The following CMC4 variants were observed in gnomAD, a reference collection of about 807,000 sequenced individuals.
CMC4 encodes cx9C motif-containing protein 4.
Under a neutral mutation model 5.1 loss-of-function variants are expected in CMC4, and 4 were observed. That is an observed-to-expected ratio of 0.78 (90% CI 0.38 to 1.78). CMC4 has a LOEUF of 1.78. CMC4 is among the 40% of genes most tolerant of loss of function. The pLI is 0.04. For synonymous variants in CMC4, 23 were observed against 18.9 expected (o/e 1.22, Z -0.57); for missense variants, 52 against 51.3 (o/e 1.01, Z -0.04).
rs782783254 is a variant in CMC4 at position 155,061,815 on chromosome X, A to G, written c.*28T>C. The G allele has an allele frequency of 1.7e-6, 2 of 1,198,004 alleles. No individual in the cohort carries two copies. Among genetic ancestry groups the G allele is most frequent in the South Asian group, 1.8e-5 (1 of 54,589 alleles). Reference sequence around the variant, plus strand: ...AGGATAAAAAAAATTCATTTGGTGGAAACATGGAGCAGCACTTCAGAAGAA... The same window carrying G: ...AGGATAAAAAAAATTCATTTGGTGGGAACATGGAGCAGCACTTCAGAAGAA... On this transcript the variant is annotated 3_prime_UTR_variant, in exon 3 of 3. Transcript: ENST00000369484.
chrX:155,066,114 C>G (rs1373332811), intron 1 of CMC4: 3 of 578,210 alleles, frequency 5.2e-6, no homozygotes, highest in Middle Eastern at 5.3e-4. Flanking sequence ...ATGAACTCAC[C>G]AGTAAGCAAG....
chrX:155,062,166 T>C (rs782072616), intron 2 of CMC4, among the ~76,000 whole-genome samples, 175 bp from the exon 3 acceptor site: 28 of 112,583 alleles, frequency 2.5e-4, no homozygotes, highest in African/African-American at 9.0e-4. Context: ...ACAGGTTCGT[T>C]AGGGAAAGTA....
intron 1 of CMC4, chrX:155,065,550 GAA>G: frequency 8.3e-7 from 1 of 1,211,196 alleles, no homozygotes; most frequent in Non-Finnish European, 1.1e-6. Flanking sequence ...GTCAGAAAAA[GAA>G]AAGTTTATGG....
rs782064701 is a variant in CMC4 at position 155,066,294 on chromosome X, TGAG to T, written c.-10-2264_-10-2262del. 4.5e-5 allele frequency among the ~76,000 whole-genome samples: 5 copies of T among 112,330 alleles called. No individual in the cohort carries two copies. The East Asian group carries it at 1.1e-3, about 25-fold the overall frequency. On this transcript the variant is annotated intron_variant, in intron 1 of 2. Coordinates refer to ENST00000369484, the MANE Select transcript of CMC4 (RefSeq NM_001018024.3). ...CAAAGCGCTCAAGAATTTGGCTAGG[TGAG>T]GAGTTCTGTGGAAATGTAGGACTAG...
At chrX:155,066,088 G>C (rs1457093705) in intron 1 of CMC4, 1 of 809,420 alleles carries the variant, frequency 1.2e-6, no homozygotes, top group Non-Finnish European at 1.8e-6. Context: ...ACACAGGTGT[G>C]ACTTTTTGGG....
chrX:155,065,577 A>G (rs1181389661), intron 1 of CMC4: 11 of 1,208,191 alleles, frequency 9.1e-6, no homozygotes, highest in Non-Finnish European at 1.2e-5. Context: ...CTCTGTTACG[A>G]GAGTCCCAGT....
chrX:155,065,595 A>G (rs782600306), intron 1 of CMC4: 2 of 1,210,150 alleles, frequency 1.7e-6, no homozygotes, highest in Non-Finnish European at 1.1e-6. Context: ...AGTACAATGG[A>G]AAATAATTAA....
At chrX:155,067,903 A>G (rs2073955044) in intron 1 of CMC4, among the ~76,000 whole-genome samples, 1 of 112,337 alleles carries the variant, frequency 8.9e-6, no homozygotes, top group Admixed American at 9.4e-5. Context: ...TCTAGGCATA[A>G]GCCTCTGGCT....
chrX:155,065,664 G>A (rs1557291950), intron 1 of CMC4: 1 of 1,211,822 alleles, frequency 8.3e-7, no homozygotes, highest in Non-Finnish European at 1.1e-6. Flanking sequence ...TGTTATCCAT[G>A]TAGCGCTCCT....
At chrX:155,070,045 A>G (rs2073965353) in intron 1 of CMC4, among the ~76,000 whole-genome samples, 1 of 112,267 alleles carries the variant, frequency 8.9e-6, no homozygotes, top group Non-Finnish European at 1.9e-5. Flanking sequence ...CTTCATCATG[A>G]TCAAATTAAT....
At chrX:155,064,847 T>G (rs2073942671) in intron 1 of CMC4, 1 of 112,456 alleles carries the variant, frequency 8.9e-6, no homozygotes, top group South Asian at 3.7e-4. Flanking sequence ...TCAATGCATA[T>G]CTCTTTTCAG....
intron 1 of CMC4, among the ~76,000 whole-genome samples, chrX:155,067,824 G>A (rs1015733798): frequency 1.8e-5 from 2 of 112,020 alleles, no homozygotes; most frequent in African/African-American, 6.5e-5. Flanking sequence ...GGTGGGTAGG[G>A]AAGGGAAACA....
chrX:155,067,609 T>C (rs1241023668), intron 1 of CMC4, among the ~76,000 whole-genome samples: 2 of 112,478 alleles, frequency 1.8e-5, no homozygotes, highest in Admixed American at 1.9e-4. Context: ...ATGAAAACTT[T>C]AGAAAATTCT....
Position 155,063,985 on chromosome X carries a change from C to A in CMC4, c.39G>T (p.Glu13Asp). The change falls in exon 2 of 3, where the codon GAG becomes GAT. Residue 13 changes from glutamate to aspartate, a missense_variant. Glu to Asp is a conservative substitution (Grantham distance 45). Transcript: ENST00000369484. Reference sequence around the variant, plus strand: ...TACTACCTTGTAAACATTTCTGTATCTCACAGGCTTGCTTCTGGCACGGAT... The same window carrying A: ...TACTACCTTGTAAACATTTCTGTATATCACAGGCTTGCTTCTGGCACGGAT... ...QKDPCQKQAC[E>D]IQKCLQANSY... The A allele has an allele frequency of 8.4e-7, 1 of 1,196,810 alleles. No individual in the cohort carries two copies. The highest frequency in any genetic ancestry group is 1.1e-6 in the Non-Finnish European group (1 of 890,972).
At chrX:155,064,248 GA>G (rs1330306072) in intron 1 of CMC4, 2 of 270,161 alleles carry the variant, frequency 7.4e-6, no homozygotes, top group African/African-American at 2.8e-5. Flanking sequence ...GCTTTACATG[GA>G]AAAAAAACCT....
In CMC4 at chrX:155,061,760, A is replaced by G; in HGVS notation, c.*83T>C. 1 of 1,085,677 alleles carries G rather than the reference A, an allele frequency of 9.2e-7. No homozygotes were observed. The highest frequency in any genetic ancestry group is 1.2e-6 in the Non-Finnish European group (1 of 809,444). 89.5% of individuals were successfully genotyped at this position (1,085,677 alleles called of 1,213,427 possible). A position where few individuals can be genotyped will look rare whatever the true frequency, so the allele number is the denominator to read the frequency against. On this transcript the variant is annotated 3_prime_UTR_variant, in exon 3 of 3. Coordinates refer to ENST00000369484, the MANE Select transcript of CMC4 (RefSeq NM_001018024.3). Reference sequence around the variant, plus strand: ...TTTGTAGCTGACTTTTTCATTTGCTATTTGCTGCTACCTGGCCTGAAGAGT... The same window carrying G: ...TTTGTAGCTGACTTTTTCATTTGCTGTTTGCTGCTACCTGGCCTGAAGAGT...
chrX:155,065,436 T>C (rs2073944472), intron 1 of CMC4: 15 of 1,105,700 alleles, frequency 1.4e-5, no homozygotes, highest in Non-Finnish European at 1.6e-5. Flanking sequence ...CACAACTGAA[T>C]AGAGCCAAAA....
At chrX:155,065,336 T>C in intron 1 of CMC4, 1 of 532,200 alleles carries the variant, frequency 1.9e-6, no homozygotes, top group Non-Finnish European at 3.1e-6. Flanking sequence ...ACTGCAGTAG[T>C]GGATGAAGTG....
chrX:155,070,006 A>T (rs1369356889), intron 1 of CMC4, among the ~76,000 whole-genome samples: 3 of 112,334 alleles, frequency 2.7e-5, no homozygotes, highest in African/African-American at 6.5e-5. Flanking sequence ...AGACAGGTCC[A>T]ATGTAACTGC....
Sources: allele counts gnomAD v4.1 joint callset (sites outside exome capture counted in the v4.1 genomes callset), GRCh38; gene constraint gnomAD v4.1.1; transcripts MANE v1.5; gene names NCBI Gene and HGNC (gene_info 2026-07-23, HGNC 2026-07-21).